The following LOC112694756 variants were observed in gnomAD, a reference collection of about 807,000 sequenced individuals.
the LOC112694756 span, among the ~76,000 whole-genome samples, chr16:30,065,016 G>A: frequency 1.2e-4 from 18 of 152,254 alleles, no homozygotes; most frequent in South Asian, 4.1e-4. Context: ...AGCAGCGGCC[G>A]GTGCATAGCC....
chr16:30,060,043 A>G, the LOC112694756 span, among the ~76,000 whole-genome samples: 6 of 151,952 alleles, frequency 3.9e-5, 1 homozygote, highest in Non-Finnish European at 7.4e-5. Context: ...CAGTAAAACA[A>G]TCTCGGCTCA....
the LOC112694756 span, among the ~76,000 whole-genome samples, chr16:30,060,469 AG>A: frequency 6.6e-6 from 1 of 152,100 alleles, no homozygotes; most frequent in African/African-American, 2.4e-5. Context: ...GAGAGACACA[AG>A]GGTTAACAGT....
chr16:30,065,405 C>T, the LOC112694756 span, among the ~76,000 whole-genome samples: 2 of 152,184 alleles, frequency 1.3e-5, no homozygotes, highest in South Asian at 4.1e-4. Context: ...ACTCAGCTTC[C>T]TTCGTTTCCG....
the LOC112694756 span, chr16:30,067,241 C>G: frequency 1.2e-6 from 2 of 1,612,218 alleles, no homozygotes; most frequent in Non-Finnish European, 1.7e-6. Flanking sequence ...CAGGAACTTG[C>G]TACTACCAGC....
chr16:30,068,802 C>A, the LOC112694756 span: 2,139 of 1,614,214 alleles, frequency 1.3e-3, 26 homozygotes, highest in African/African-American at 0.025. Flanking sequence ...GCTCTGACCC[C>A]TTCCTCTTCT....
At chr16:30,057,248 C>T in the LOC112694756 span, among the ~76,000 whole-genome samples, 1 of 152,120 alleles carries the variant, frequency 6.6e-6, no homozygotes, top group East Asian at 1.9e-4. Context: ...CACTTCGCCA[C>T]CTATCCATGC....
the LOC112694756 span, chr16:30,069,271 G>T: frequency 1.2e-6 from 2 of 1,609,440 alleles, no homozygotes; most frequent in East Asian, 2.2e-5. Flanking sequence ...TCTGGGTTAG[G>T]AGGCCTCACA....
chr16:30,053,838 G>A, the LOC112694756 span, among the ~76,000 whole-genome samples: 6 of 152,030 alleles, frequency 3.9e-5, no homozygotes, highest in Non-Finnish European at 7.4e-5. Context: ...AGAGAGGTAG[G>A]CAGGGCTAAA....
At chr16:30,070,027 CT>C in the LOC112694756 span, 7 of 1,613,790 alleles carry the variant, frequency 4.3e-6, no homozygotes, top group Non-Finnish European at 5.9e-6. Context: ...CAAGCGAGCC[CT>C]GGTAAGGATA....
the LOC112694756 span, among the ~76,000 whole-genome samples, chr16:30,062,429 G>A: frequency 6.6e-6 from 1 of 151,908 alleles, no homozygotes; most frequent in Non-Finnish European, 1.5e-5. Flanking sequence ...CTACTTGGGA[G>A]GCTGAGGCAG....
the LOC112694756 span, chr16:30,066,284 G>A: frequency 6.6e-6 from 1 of 152,544 alleles, no homozygotes; most frequent in Admixed American, 6.5e-5. Flanking sequence ...GTTCTCGCAA[G>A]TGGGAGCTTG....
At chr16:30,061,703 G>A in the LOC112694756 span, among the ~76,000 whole-genome samples, 48 of 151,418 alleles carry the variant, frequency 3.2e-4, no homozygotes, top group Non-Finnish European at 6.3e-4. Flanking sequence ...AGGATTACAG[G>A]TGCACCCCAC....
At chr16:30,057,234 A>G in the LOC112694756 span, among the ~76,000 whole-genome samples, 1 of 152,062 alleles carries the variant, frequency 6.6e-6, no homozygotes, top group Non-Finnish European at 1.5e-5. Flanking sequence ...TTAACCTGAC[A>G]TCACACTTCG....
the LOC112694756 span, among the ~76,000 whole-genome samples, chr16:30,066,623 T>C: frequency 6.6e-6 from 1 of 151,980 alleles, no homozygotes; most frequent in Non-Finnish European, 1.5e-5. Flanking sequence ...GCCCCCTCCC[T>C]TGTGGGGAAA....
the LOC112694756 span, among the ~76,000 whole-genome samples, chr16:30,066,510 G>A: frequency 6.6e-6 from 1 of 152,240 alleles, no homozygotes; most frequent in South Asian, 2.1e-4. Flanking sequence ...CGATGGCAAA[G>A]CTTACCGCTT....
chr16:30,064,716 A>C, the LOC112694756 span: 1 of 298,096 alleles, frequency 3.4e-6, no homozygotes, highest in Middle Eastern at 9.5e-4. Context: ...CTGCCTTATA[A>C]CCAGCCCGGG....
At chr16:30,063,599 A>T in the LOC112694756 span, 1 of 397,990 alleles carries the variant, frequency 2.5e-6, no homozygotes, top group South Asian at 1.4e-4. Context: ...TGTTCCTGGG[A>T]ATGATGGACA....
chr16:30,069,659 C>T, the LOC112694756 span: 1 of 1,613,634 alleles, frequency 6.2e-7, no homozygotes, highest in Non-Finnish European at 8.5e-7. Context: ...CGCACAGTGC[C>T]CCCCGCTGTC....
the LOC112694756 span, chr16:30,054,463 G>T: frequency 1.8e-5 from 4 of 224,954 alleles, no homozygotes; most frequent in Non-Finnish European, 1.7e-5. Context: ...GACAGGAGCC[G>T]GTAATGTGGG....
Sources: allele counts gnomAD v4.1 joint callset (sites outside exome capture counted in the v4.1 genomes callset), GRCh38; gene constraint gnomAD v4.1.1; transcripts MANE v1.5.